The following AIG1 variants were observed in gnomAD, a reference collection of about 807,000 sequenced individuals.
AIG1 encodes the protein androgen induced 1.
In AIG1, 23 loss-of-function variants were observed where a neutral mutation model predicts 31.4. That is an observed-to-expected ratio of 0.73 (90% CI 0.53 to 1.04). AIG1 has a LOEUF of 1.04. AIG1 is among the 50% of genes least tolerant of loss of function. The pLI, the probability that AIG1 is intolerant of heterozygous loss-of-function variation, is 0.00. For synonymous variants in AIG1, 100 were observed against 110.5 expected (o/e 0.90, Z 0.60); for missense variants, 274 against 295.0 (o/e 0.93, Z 0.52).
chr6:143,266,590 G>A (rs534419754), intron 3 of AIG1, among the ~76,000 whole-genome samples: 1 of 152,082 alleles, frequency 6.6e-6, no homozygotes, highest in Non-Finnish European at 1.5e-5. Flanking sequence ...ACCCCAAGTT[G>A]TACACTTTAA....
At chr6:143,166,384 C>T (rs966434404) in intron 3 of AIG1, among the ~76,000 whole-genome samples, 4 of 152,158 alleles carry the variant, frequency 2.6e-5, no homozygotes, top group Admixed American at 1.3e-4. Context: ...AAAAGCATGT[C>T]GTAACTCCAT....
chr6:143,202,059 C>A (rs957041254), intron 3 of AIG1, among the ~76,000 whole-genome samples: 1 of 152,112 alleles, frequency 6.6e-6, no homozygotes, highest in Non-Finnish European at 1.5e-5. Flanking sequence ...TAATGCAAAC[C>A]CACAATTTAA....
chr6:143,204,217 G>A (rs1295049120), intron 3 of AIG1, among the ~76,000 whole-genome samples: 2 of 152,142 alleles, frequency 1.3e-5, no homozygotes, highest in African/African-American at 2.4e-5. Flanking sequence ...TGGAATTGAG[G>A]CAATGCTCAG....
chr6:143,302,767 A>G (rs1338803352), intron 4 of AIG1, among the ~76,000 whole-genome samples: 4 of 152,166 alleles, frequency 2.6e-5, no homozygotes, highest in Non-Finnish European at 5.9e-5. Context: ...GTCAAATGGC[A>G]TTTCTAGTTC....
At chr6:143,218,341 G>A (rs915872548) in intron 3 of AIG1, among the ~76,000 whole-genome samples, 3 of 152,082 alleles carry the variant, frequency 2.0e-5, no homozygotes, top group Non-Finnish European at 2.9e-5. Flanking sequence ...CCAAAGGAAG[G>A]CATCTTACCC....
chr6:143,204,478 G>T (rs1337323958), intron 3 of AIG1, among the ~76,000 whole-genome samples: 1 of 152,022 alleles, frequency 6.6e-6, no homozygotes, highest in Admixed American at 6.6e-5. Context: ...CTTTTTATTG[G>T]CAGCTTATAG....
chr6:143,343,513 A>G (rs1777898375), downstream of AIG1: 5 of 232,616 alleles, frequency 2.1e-5, no homozygotes, highest in Admixed American at 5.0e-5. Flanking sequence ...CACTGTTTTC[A>G]GCTGTGTCCC....
intron 3 of AIG1, among the ~76,000 whole-genome samples, chr6:143,266,346 C>CAAA (rs398002969): frequency 0.074 from 6,867 of 92,864 alleles, 691 homozygotes; most frequent in African/African-American, 0.2. Flanking sequence ...GAGTCCGTCT[C>CAAA]AAAAAAAAAA....
intron 1 of AIG1, among the ~76,000 whole-genome samples, chr6:143,097,785 G>A (rs527547940): frequency 2.0e-5 from 3 of 152,298 alleles, no homozygotes; most frequent in South Asian, 4.1e-4. Context: ...GACAACAAAA[G>A]CAATCGGAAG....
At chr6:143,128,769 A>G (rs1271184150) in intron 1 of AIG1, among the ~76,000 whole-genome samples, 1 of 152,236 alleles carries the variant, frequency 6.6e-6, no homozygotes, top group Non-Finnish European at 1.5e-5. Context: ...GTTAACTGTC[A>G]GTTCAAATCA....
At chr6:143,252,083 A>G (rs1173461595) in intron 3 of AIG1, among the ~76,000 whole-genome samples, 3 of 152,058 alleles carry the variant, frequency 2.0e-5, no homozygotes, top group Admixed American at 6.6e-5. Context: ...TGGTCTTACC[A>G]TTGGGTCCAT....
intron 3 of AIG1, among the ~76,000 whole-genome samples, chr6:143,270,159 G>T (rs1796413144): frequency 6.6e-6 from 1 of 152,120 alleles, no homozygotes; most frequent in Non-Finnish European, 1.5e-5. Flanking sequence ...GGCTCCAGTT[G>T]GCTCAAAGTT....
rs561046166 is a variant in AIG1, at chr6:143,302,323, T to A, written c.515+18098T>A. ...GTGCCATGCTGGTGTGCTGCACCCA[T>A]TAACTCCTCATTTAGCATTAGGTAT... On this transcript the variant is annotated intron_variant, in intron 4 of 5. Coordinates refer to ENST00000357847, the MANE Select transcript of AIG1 (RefSeq NM_016108.4). Among the ~76,000 whole-genome samples the A allele has an allele frequency of 1.4e-4, 22 of 152,102 alleles. No individual in the cohort carries two copies. The East Asian group carries it at 4.3e-3, about 29-fold the overall frequency.
At chr6:143,072,539 A>C (rs1405908516) in intron 1 of AIG1, among the ~76,000 whole-genome samples, 4 of 152,128 alleles carry the variant, frequency 2.6e-5, no homozygotes, top group African/African-American at 9.7e-5. Context: ...GGAGGAAAAC[A>C]TGTAGTCTTT....
intron 4 of AIG1, among the ~76,000 whole-genome samples, chr6:143,317,946 T>G (rs1775900768): frequency 6.6e-6 from 1 of 151,620 alleles, no homozygotes; most frequent in Non-Finnish European, 1.5e-5. Context: ...ATCAAGGAGG[T>G]GAAAGACATC....
chr6:143,128,553 C>T (rs1340338248), intron 1 of AIG1, among the ~76,000 whole-genome samples: 1 of 152,176 alleles, frequency 6.6e-6, no homozygotes, highest in Non-Finnish European at 1.5e-5. Flanking sequence ...GTGTGTCATG[C>T]TGAGTTGATG....
intron 3 of AIG1, among the ~76,000 whole-genome samples, chr6:143,214,630 A>C (rs962318672): frequency 3.9e-5 from 6 of 152,104 alleles, no homozygotes; most frequent in Admixed American, 6.5e-5. Flanking sequence ...TCCTTATGAA[A>C]CACAGATTAG....
intron 3 of AIG1, among the ~76,000 whole-genome samples, chr6:143,239,272 A>G (rs1473212782): frequency 1.3e-5 from 2 of 152,210 alleles, no homozygotes; most frequent in African/African-American, 4.8e-5. Context: ...AAATGTAAGA[A>G]AAGGGCAATC....
chr6:143,091,084 A>G (rs191565805), intron 1 of AIG1, among the ~76,000 whole-genome samples: 141 of 152,266 alleles, frequency 9.3e-4, no homozygotes, highest in African/African-American at 3.2e-3. Flanking sequence ...TTGCTCGTCT[A>G]TAAGAAGCAA....
Sources: allele counts gnomAD v4.1 joint callset (sites outside exome capture counted in the v4.1 genomes callset), GRCh38; gene constraint gnomAD v4.1.1; transcripts MANE v1.5; gene names NCBI Gene and HGNC (gene_info 2026-07-23, HGNC 2026-07-21).